The following SPTLC2 variants were observed in gnomAD, a reference collection of about 807,000 sequenced individuals.
SPTLC2 encodes serine palmitoyltransferase 2.
SPTLC2 carries 21 observed loss-of-function variants against 62.0 expected under a neutral mutation model. The observed-to-expected ratio is 0.34, with a 90% CI of 0.24 to 0.49. The LOEUF (loss-of-function observed/expected upper bound fraction) is 0.49, where lower values mean the gene tolerates loss of function less well. Ranked by LOEUF, SPTLC2 falls within the 20% of genes least tolerant of loss-of-function variation. SPTLC2 has a pLI of 0.99. For synonymous variants in SPTLC2, 261 were observed against 261.8 expected (o/e 1.00, Z 0.03); for missense variants, 511 against 713.0 (o/e 0.72, Z 3.23).
intron 1 of SPTLC2, among the ~76,000 whole-genome samples, chr14:77,611,358 G>A: frequency 6.6e-6 from 1 of 150,810 alleles, no homozygotes; most frequent in East Asian, 2.0e-4. Context: ...AGCTACTTGG[G>A]AGGCTGAGAT....
At chr14:77,612,600 A>T (rs1189850808) in intron 1 of SPTLC2, among the ~76,000 whole-genome samples, 1 of 152,230 alleles carries the variant, frequency 6.6e-6, no homozygotes, top group Non-Finnish European at 1.5e-5. Context: ...GACTATTCTA[A>T]CTATTTCTAC....
In SPTLC2 at chr14:77,509,758, T is replaced by A. The variant is rs1205360061; in HGVS notation, c.*2526A>T. ...AGAAGAGACAACCAACCATGTATAA[T>A]GTCTACATAACATTTTGTTCTTTAG... On this transcript the variant is annotated 3_prime_UTR_variant, in exon 12 of 12. Transcript: ENST00000216484. The A allele has an allele frequency of 5.0e-6, 2 of 396,800 alleles. No individual in the cohort carries two copies. Among genetic ancestry groups the A allele is most frequent in the East Asian group, 7.2e-5 (2 of 27,956 alleles). 24.6% of individuals were successfully genotyped at this position (396,800 alleles called of 1,614,324 possible).
intron 6 of SPTLC2, among the ~76,000 whole-genome samples, chr14:77,557,766 T>C (rs1036338936): frequency 2.6e-5 from 4 of 152,222 alleles, no homozygotes; most frequent in Non-Finnish European, 5.9e-5. Flanking sequence ...AATTGTTCCA[T>C]GTTTGACTTC....
At chr14:77,545,362 G>A (rs1448143761) in intron 9 of SPTLC2, among the ~76,000 whole-genome samples, 3 of 151,898 alleles carry the variant, frequency 2.0e-5, no homozygotes, top group Non-Finnish European at 4.4e-5. Context: ...CACCTCCCAG[G>A]TTCAAGCCAT....
At chr14:77,571,189 T>C (rs955301115) in intron 4 of SPTLC2, among the ~76,000 whole-genome samples, 3 of 152,182 alleles carry the variant, frequency 2.0e-5, no homozygotes, top group Non-Finnish European at 4.4e-5. Flanking sequence ...TTTGAGATGG[T>C]TTGTTATACA....
chr14:77,594,355 C>T (rs1033362046), intron 2 of SPTLC2, among the ~76,000 whole-genome samples: 4 of 152,208 alleles, frequency 2.6e-5, no homozygotes, highest in Non-Finnish European at 4.4e-5. Flanking sequence ...AAACATGAAA[C>T]AAGTTCCAAA....
intron 1 of SPTLC2, among the ~76,000 whole-genome samples, chr14:77,602,564 T>TC (rs368335677): frequency 0.089 from 12,844 of 143,974 alleles, 744 homozygotes; most frequent in Admixed American, 0.18. Context: ...TTTTTTTTTT[T>TC]CTATTGACAG....
At chr14:77,556,988 C>A in intron 7 of SPTLC2, 53 bp downstream of exon 7, 1 of 1,491,852 alleles carries the variant, frequency 6.7e-7, no homozygotes, top group Non-Finnish European at 9.3e-7. Context: ...TTAAAAAATT[C>A]TATGACTTCA....
chr14:77,550,067 C>A (rs1295450909), intron 9 of SPTLC2, among the ~76,000 whole-genome samples: 1 of 152,204 alleles, frequency 6.6e-6, no homozygotes, highest in East Asian at 1.9e-4. Context: ...TTTCCACTAA[C>A]ACCACATCAG....
At chr14:77,570,599 T>C in intron 4 of SPTLC2, 91 bp from the exon 5 acceptor site, 1 of 1,498,498 alleles carries the variant, frequency 6.7e-7, no homozygotes. Flanking sequence ...AGTATATGTG[T>C]TGTGTCCTTT....
intron 1 of SPTLC2, among the ~76,000 whole-genome samples, chr14:77,602,692 G>A (rs565157784): frequency 4.0e-4 from 61 of 152,144 alleles, no homozygotes; most frequent in Non-Finnish European, 6.9e-4. Flanking sequence ...TGGGACCACA[G>A]CACAATAAGA....
intron 2 of SPTLC2, among the ~76,000 whole-genome samples, chr14:77,587,891 AT>A (rs1763942453): frequency 6.6e-6 from 1 of 151,596 alleles, no homozygotes; most frequent in African/African-American, 2.4e-5. Flanking sequence ...TAAAAAAAAA[AT>A]CTATAACGTT....
At chr14:77,587,145 G>A (rs746171129) in intron 2 of SPTLC2, among the ~76,000 whole-genome samples, 7 of 151,912 alleles carry the variant, frequency 4.6e-5, no homozygotes, top group East Asian at 3.9e-4. Flanking sequence ...GAAGAATGGC[G>A]TGAACCCAGG....
At chr14:77,580,257 G>T (rs1177133620) in intron 2 of SPTLC2, among the ~76,000 whole-genome samples, 1 of 152,112 alleles carries the variant, frequency 6.6e-6, no homozygotes, top group African/African-American at 2.4e-5. Flanking sequence ...TGGGTGGGAA[G>T]ATCACTTGAA....
chr14:77,545,025 T>C lies in SPTLC2; in HGVS notation c.1303+7071A>G, dbSNP rs374973345. Among the ~76,000 whole-genome samples, 6 of 152,156 alleles carry C rather than the reference T, an allele frequency of 3.9e-5. No homozygotes were observed. The South Asian group carries it at 6.2e-4, about 16-fold the overall frequency. On this transcript the variant is annotated intron_variant, in intron 9 of 11. Transcript: ENST00000216484. ...CTCTCTCCCCCACTGGAAGACCCCA[T>C]TGCAGTCATCCCTATGCTTATTACC...
At position 77,521,411 on chromosome 14, in the gene SPTLC2, G is replaced by C. The variant is rs752983879; in HGVS notation, c.1439+35C>G. 5.0e-6 allele frequency: 8 copies of C among 1,613,708 alleles called. No individual in the cohort carries two copies. In the Admixed American group the frequency reaches 1.3e-4, roughly 27 times the overall value. ...GGTCTCACATCACAGATAAGGATAA[G>C]GACAGACTGGTCTGTGATCTGCAAC... On this transcript the variant is annotated intron_variant, in intron 10 of 11. Coordinates refer to ENST00000216484, the MANE Select transcript of SPTLC2 (RefSeq NM_004863.4).
chr14:77,530,366 T>C (rs2079432145), intron 9 of SPTLC2, among the ~76,000 whole-genome samples: 1 of 152,176 alleles, frequency 6.6e-6, no homozygotes, highest in South Asian at 2.1e-4. Context: ...TCTTGCTCTG[T>C]TGCCCAGGCT....
At chr14:77,527,475 T>C (rs780844475) in intron 9 of SPTLC2, among the ~76,000 whole-genome samples, 6 of 152,196 alleles carry the variant, frequency 3.9e-5, no homozygotes, top group Non-Finnish European at 7.3e-5. Context: ...TCAATCACGT[T>C]TACAAAACAG....
At chr14:77,581,405 C>CTTTTT (rs1159561282) in intron 2 of SPTLC2, among the ~76,000 whole-genome samples, 6,425 of 93,722 alleles carry the variant, frequency 0.069, 400 homozygotes, top group Admixed American at 0.1. Context: ...TACCATCTCT[C>CTTTTT]TTTTTTTTTT....
Sources: gnomAD v4.1 joint callset for allele counts (sites outside exome capture counted in the v4.1 genomes callset) on GRCh38, gnomAD v4.1.1 for gene constraint, MANE v1.5 for transcripts, NCBI Gene and HGNC (gene_info 2026-07-23, HGNC 2026-07-21) for gene names.